CDC42SE1: variants seen among roughly 807,000 people sequenced by gnomAD.
The protein encoded by CDC42SE1 is CDC42 small effector 1.
A neutral mutation model predicts 10.9 loss-of-function variants in CDC42SE1; 10 were observed. That is an observed-to-expected ratio of 0.92 (90% confidence interval 0.57 to 1.56). The LOEUF (loss-of-function observed/expected upper bound fraction) is 1.56, where lower values mean the gene tolerates loss of function less well. Ranked by LOEUF, CDC42SE1 falls within the 40% of genes most tolerant of loss-of-function variation. CDC42SE1 has a pLI of 0.00. For missense variants in CDC42SE1, 81 were observed against 100.8 expected, an observed-to-expected ratio of 0.80 and a Z score of 0.84; for synonymous variants, 24 against 32.0, an observed-to-expected ratio of 0.75 and a Z score of 0.85.
At chr1:151,058,145 G>A (rs914678042) in intron 1 of CDC42SE1, 2 of 152,846 alleles carry the variant, frequency 1.3e-5, no homozygotes, top group African/African-American at 4.8e-5. Context: ...AGGAGAGAGG[G>A]AAAGGGGCAG....
rs1676186815 is a variant in CDC42SE1, at chr1:151,051,739, G to C, written c.*1605C>G. On this transcript the variant is annotated 3_prime_UTR_variant, in exon 5 of 5. Coordinates refer to ENST00000357235, the MANE Select transcript of CDC42SE1 (RefSeq NM_020239.4). Reference sequence around the variant, plus strand: ...AGGGGGCAGTGGGACCTGGTCTTCAGACAAAACTCCCTGAGTCTAATGTGT... The same window carrying C: ...AGGGGGCAGTGGGACCTGGTCTTCACACAAAACTCCCTGAGTCTAATGTGT... 1 of 152,596 alleles carries C rather than the reference G, an allele frequency of 6.6e-6. No individual in the cohort carries two copies. The highest frequency in any genetic ancestry group is 6.5e-5 in the Admixed American group (1 of 15,272). The allele number at this position is 152,596 out of a possible 1,614,324, so 9.5% of individuals were successfully genotyped here.
intron 3 of CDC42SE1, 31 bp downstream of exon 3, chr1:151,054,985 C>T (rs1195007507): frequency 1.4e-6 from 2 of 1,474,840 alleles, no homozygotes; most frequent in South Asian, 2.3e-5. Context: ...GACCTCACCC[C>T]TGTATCAACC....
chr1:151,054,960 G>C, intron 3 of CDC42SE1, 56 bp downstream of exon 3: 1 of 1,264,362 alleles, frequency 7.9e-7, no homozygotes. Flanking sequence ...CTTTCAAAAA[G>C]AGGGAACGGT....
rs985390312 is a variant in CDC42SE1, at chr1:151,055,946, G to T, written c.-216C>A. On this transcript the variant is annotated 5_prime_UTR_variant, in exon 2 of 5. Transcript: ENST00000357235. ...TGAGAGATGAACAGGACCAGAGAGAGAGGTGGGCAGGCAGGCACAAGGTTA... is the reference window on the plus strand; with the variant it reads ...TGAGAGATGAACAGGACCAGAGAGATAGGTGGGCAGGCAGGCACAAGGTTA... The T allele has an allele frequency of 1.4e-5, 8 of 579,366 alleles. No individual in the cohort carries two copies. In the Admixed American group the frequency reaches 1.5e-4, roughly 11 times the overall value. 35.9% of individuals were successfully genotyped at this position (579,366 alleles called of 1,614,324 possible).
chr1:151,056,633 CA>C, intron 1 of CDC42SE1: 1 of 8,362 alleles, frequency 1.2e-4, no homozygotes, highest in East Asian at 0.025. Context: ...AGCCAGTCAG[CA>C]GCAGTTCCTT....
intron 4 of CDC42SE1, among the ~76,000 whole-genome samples, 161 bp from the exon 5 acceptor site, chr1:151,053,488 CTT>C (rs958614767): frequency 6.8e-6 from 1 of 148,058 alleles, no homozygotes. Flanking sequence ...ATCCTACATT[CTT>C]TTTTTTTTTG....
At position 151,053,152 on chromosome 1, in the gene CDC42SE1, C is replaced by T. The variant is rs1034402334; in HGVS notation, c.*192G>A. ...CAGTCCTGCTGCCTTGACCCCATCT[C>T]CAGGAGGGGCTATGGCCAGAGGGAG... On this transcript the variant is annotated 3_prime_UTR_variant, in exon 5 of 5. Coordinates refer to ENST00000357235, the MANE Select transcript of CDC42SE1 (RefSeq NM_020239.4). The T allele has an allele frequency of 6.5e-6, 1 of 152,714 alleles. No homozygotes were observed. Among genetic ancestry groups the T allele is most frequent in the African/African-American group, 2.4e-5 (1 of 41,428 alleles). 9.5% of individuals were successfully genotyped at this position (152,714 alleles called of 1,614,324 possible).
chr1:151,054,964 G>A (rs1471463282), intron 3 of CDC42SE1, 52 bp downstream of exon 3: 1 of 1,288,846 alleles, frequency 7.8e-7, no homozygotes, highest in Non-Finnish European at 1.1e-6. Flanking sequence ...CAAAAAGAGG[G>A]AACGGTTATA....
rs1251976132 is a variant in CDC42SE1 at position 151,053,103 on chromosome 1, C to T, written c.*241G>A. Reference sequence around the variant, plus strand: ...TTTCCAGGGCTTCAGCTGAGCTCCTCTGGCTAACCAGTAGTCACTTGATCA... The same window carrying T: ...TTTCCAGGGCTTCAGCTGAGCTCCTTTGGCTAACCAGTAGTCACTTGATCA... On this transcript the variant is annotated 3_prime_UTR_variant, in exon 5 of 5. Transcript: ENST00000357235. The T allele has an allele frequency of 6.6e-6, 1 of 152,560 alleles. No individual in the cohort carries two copies. Among genetic ancestry groups the T allele is most frequent in the Non-Finnish European group, 1.5e-5 (1 of 68,110 alleles). The allele number at this position is 152,560 out of a possible 1,614,324, so 9.5% of individuals were successfully genotyped here.
rs1676360032 is a variant in CDC42SE1 at position 151,059,459 on chromosome 1, G to A, written c.-264+20C>T. On this transcript the variant is annotated intron_variant, in intron 1 of 4. Transcript: ENST00000357235. Reference sequence around the variant, plus strand: ...GGCCGGCGCGGCAGGCGGGCCAGGGGACCAACTGCACGGCCTCACCTGCTC... The same window carrying A: ...GGCCGGCGCGGCAGGCGGGCCAGGGAACCAACTGCACGGCCTCACCTGCTC... 6.5e-6 allele frequency: 1 copy of A among 152,842 alleles called. No individual in the cohort carries two copies. The highest frequency in any genetic ancestry group is 1.5e-5 in the Non-Finnish European group (1 of 68,578). The allele number at this position is 152,842 out of a possible 1,614,324, so 9.5% of individuals were successfully genotyped here. A position where few individuals can be genotyped will look rare whatever the true frequency, so the allele number is the denominator to read the frequency against.
chr1:151,055,938 CAG>C lies in CDC42SE1; in HGVS notation c.-210_-209del, dbSNP rs774837776. 41 of 589,296 alleles carry C rather than the reference CAG, an allele frequency of 7.0e-5. No individual in the cohort carries two copies. The South Asian group carries it at 7.1e-4, about 10-fold the overall frequency. 36.5% of individuals were successfully genotyped at this position (589,296 alleles called of 1,614,324 possible). A position where few individuals can be genotyped will look rare whatever the true frequency, so the allele number is the denominator to read the frequency against. On this transcript the variant is annotated 5_prime_UTR_variant, in exon 2 of 5. Transcript: ENST00000357235. Reference sequence around the variant, plus strand: ...TCAGAGCCTGAGAGATGAACAGGACCAGAGAGAGAGGTGGGCAGGCAGGCACA... The same window carrying C: ...TCAGAGCCTGAGAGATGAACAGGACCAGAGAGAGGTGGGCAGGCAGGCACA...
intron 1 of CDC42SE1, chr1:151,058,162 G>C (rs1469883089): frequency 6.5e-6 from 1 of 152,892 alleles, no homozygotes; most frequent in African/African-American, 2.4e-5. Flanking sequence ...GCAGTGGAGA[G>C]AACAAGGCCA....
rs1211983603 is a variant in CDC42SE1, at chr1:151,057,300, T to G, written c.-263-1307A>C. Among the ~76,000 whole-genome samples, 3 of 152,182 alleles carry G rather than the reference T, an allele frequency of 2.0e-5. No individual in the cohort carries two copies. The highest frequency in any genetic ancestry group is 4.4e-5 in the Non-Finnish European group (3 of 68,030). On this transcript the variant is annotated intron_variant, in intron 1 of 4. Coordinates refer to ENST00000357235, the MANE Select transcript of CDC42SE1 (RefSeq NM_020239.4). This position sits in a 1 kb window ranked among gnomAD's most constrained non-coding sequence, Gnocchi z 4.0. ...ACTTTGGGAGGCCAAGGTGGGCGGA[T>G]CACCTGAGGTCAGGAGTTCCAGACC...
intron 2 of CDC42SE1, chr1:151,055,471 G>A (rs1676261389): frequency 3.2e-6 from 2 of 616,100 alleles, no homozygotes; most frequent in Non-Finnish European, 2.9e-6. Flanking sequence ...GACAGGAACA[G>A]GAGGTAATAG....
At chr1:151,056,720 G>A (rs1220280640) in intron 1 of CDC42SE1, 1 of 152,280 alleles carries the variant, frequency 6.6e-6, no homozygotes. Flanking sequence ...CTGCACTCCT[G>A]TGTGTACACC....
chr1:151,059,529 G>A lies in CDC42SE1; in HGVS notation c.-314C>T, dbSNP rs1485859251. The A allele has an allele frequency of 6.6e-6, 1 of 152,400 alleles. No individual in the cohort carries two copies. The highest frequency in any genetic ancestry group is 1.9e-4 in the East Asian group (1 of 5,186). The allele number at this position is 152,400 out of a possible 1,614,324, so 9.4% of individuals were successfully genotyped here. ...TCAGCTACAGCTGGTGGGGGTGAGG[G>A]ACTCTGCTCCGTGGCCGCCAGTGTG... is the stretch of plus-strand genomic sequence containing the variant. On this transcript the variant is annotated 5_prime_UTR_variant, in exon 1 of 5. Transcript: ENST00000357235.
At position 151,053,345 on chromosome 1, in the gene CDC42SE1, T is replaced by G. The variant is rs1316359893; in HGVS notation, c.*17-18A>C. On this transcript the variant is annotated intron_variant, in intron 4 of 4. Coordinates refer to ENST00000357235, the MANE Select transcript of CDC42SE1 (RefSeq NM_020239.4). ...GGCAGAACCTGAAATAAAAAAAAAG[T>G]TTTTCTTAAAGAAGATTAGCCTCAA... The G allele has an allele frequency of 6.6e-6, 1 of 152,332 alleles. No homozygotes were observed. The highest frequency in any genetic ancestry group is 1.5e-5 in the Non-Finnish European group (1 of 68,028). 9.4% of individuals were successfully genotyped at this position (152,332 alleles called of 1,614,324 possible). A position where few individuals can be genotyped will look rare whatever the true frequency, so the allele number is the denominator to read the frequency against.
chr1:151,055,567 G>A (rs1467149568), intron 2 of CDC42SE1, 110 bp downstream of exon 2: 24 of 863,328 alleles, frequency 2.8e-5, no homozygotes, highest in Non-Finnish European at 4.6e-5. Context: ...GACACAGAGG[G>A]AGGCAAGAAG....
At chr1:151,058,938 A>T (rs1558109957) in intron 1 of CDC42SE1, 1 of 152,374 alleles carries the variant, frequency 6.6e-6, no homozygotes, top group Non-Finnish European at 1.5e-5. Flanking sequence ...CCGGGGCAGC[A>T]GCTGGTCCCT....
Sources: gnomAD v4.1 joint callset for allele counts (sites outside exome capture counted in the v4.1 genomes callset) on GRCh38, gnomAD v4.1.1 for gene constraint, Gnocchi (gnomAD v3.1) non-coding constraint, MANE v1.5 for transcripts, NCBI Gene and HGNC (gene_info 2026-07-23, HGNC 2026-07-21) for gene names.